The following ZNF605 variants were observed in gnomAD, a reference collection of about 807,000 sequenced individuals.
ZNF605 encodes the protein zinc finger protein 605.
In ZNF605, 9 loss-of-function variants were observed where a neutral mutation model predicts 7.9. That is an observed-to-expected ratio of 1.14 (90% confidence interval 0.68 to 1.98). ZNF605 has a LOEUF of 1.98. ZNF605 is among the 30% of genes most tolerant of loss of function. The probability of loss-of-function intolerance (pLI) is 0.00; values close to 1 mark genes in which losing one functional copy is unlikely to be tolerated. For missense variants in ZNF605, 673 were observed against 762.4 expected, an observed-to-expected ratio of 0.88 and a Z score of 1.38; for synonymous variants, 255 against 260.1, an observed-to-expected ratio of 0.98 and a Z score of 0.19.
chr12:132,934,015 G>T (rs1012691165), intron 3 of ZNF605, among the ~76,000 whole-genome samples: 1 of 152,182 alleles, frequency 6.6e-6, no homozygotes, highest in African/African-American at 2.4e-5. Context: ...CCAGCACTTT[G>T]GGAGGCTGAG....
At chr12:132,939,786 G>T (rs1311857632) in intron 3 of ZNF605, among the ~76,000 whole-genome samples, 1 of 152,154 alleles carries the variant, frequency 6.6e-6, no homozygotes, top group Non-Finnish European at 1.5e-5. Context: ...CTCACTCTTT[G>T]GGTCCACGCT....
At chr12:132,955,763 C>G (rs1472556659) in intron 1 of ZNF605, among the ~76,000 whole-genome samples, 1 of 152,164 alleles carries the variant, frequency 6.6e-6, no homozygotes, top group East Asian at 1.9e-4. Flanking sequence ...AATGCTCACC[C>G]AAAGGCATCC....
chr12:132,945,293 T>C, intron 3 of ZNF605: 2 of 869,596 alleles, frequency 2.3e-6, no homozygotes, highest in Non-Finnish European at 3.8e-6. Context: ...ATAATCTACT[T>C]TGTGCTTCTT....
At chr12:132,940,389 A>G (rs1376593323) in intron 3 of ZNF605, among the ~76,000 whole-genome samples, 1 of 152,198 alleles carries the variant, frequency 6.6e-6, no homozygotes, top group African/African-American at 2.4e-5. Flanking sequence ...TTCAGGCACA[A>G]ACATAAACAA....
chr12:132,952,258 G>C (rs1189079612), intron 1 of ZNF605, among the ~76,000 whole-genome samples: 1 of 151,786 alleles, frequency 6.6e-6, no homozygotes, highest in Non-Finnish European at 1.5e-5. Context: ...TCAGGAGTTC[G>C]AGACCAGCCT....
At chr12:132,946,008 A>G (rs1952491400) in intron 2 of ZNF605, among the ~76,000 whole-genome samples, 1 of 152,162 alleles carries the variant, frequency 6.6e-6, no homozygotes, top group Non-Finnish European at 1.5e-5. Context: ...CCAGGTCTGC[A>G]GTACGCACGG....
chr12:132,946,384 G>A (rs1163890533), intron 2 of ZNF605, among the ~76,000 whole-genome samples: 10 of 152,238 alleles, frequency 6.6e-5, no homozygotes, highest in African/African-American at 2.2e-4. Context: ...CGCAGGCTGG[G>A]GTGGAGCTGA....
intron 2 of ZNF605, among the ~76,000 whole-genome samples, 194 bp from the exon 3 acceptor site, chr12:132,945,991 A>G (rs1952491229): frequency 2.0e-5 from 3 of 152,136 alleles, no homozygotes; most frequent in Non-Finnish European, 4.4e-5. Flanking sequence ...TCTGACCTGC[A>G]TCTAGGCCAG....
chr12:132,950,039 G>T (rs1593603518), intron 1 of ZNF605, among the ~76,000 whole-genome samples: 1 of 151,906 alleles, frequency 6.6e-6, no homozygotes, highest in Non-Finnish European at 1.5e-5. Context: ...CTTCAGGCTT[G>T]TGGCACAGAG....
chr12:132,919,711 GAACT>G lies in ZNF605; in HGVS notation c.*5658_*5661del, dbSNP rs1318680076. The G allele has an allele frequency of 1.3e-5, 2 of 151,998 alleles. No homozygotes were observed. The highest frequency in any genetic ancestry group is 2.9e-5 in the Non-Finnish European group (2 of 67,996). The allele number at this position is 151,998 out of a possible 1,614,324, so 9.4% of individuals were successfully genotyped here. On this transcript the variant is annotated 3_prime_UTR_variant, in exon 5 of 5. Coordinates refer to ENST00000360187, the MANE Select transcript of ZNF605 (RefSeq NM_183238.4). ...GCCCTGGCCAGTAATTCTTAAATGA[GAACT>G]TCAAGTTATAAATGTCCCTTCACTT...
chr12:132,930,370 C>T (rs923876537), intron 4 of ZNF605, among the ~76,000 whole-genome samples: 5 of 152,156 alleles, frequency 3.3e-5, no homozygotes, highest in Admixed American at 2.6e-4. Context: ...CCAACAAATA[C>T]CCTCTTTATT....
chr12:132,938,689 G>A (rs1952394020), intron 3 of ZNF605, among the ~76,000 whole-genome samples: 2 of 152,196 alleles, frequency 1.3e-5, no homozygotes, highest in African/African-American at 4.8e-5. Flanking sequence ...CTGCACTGTG[G>A]GAGCCCCTTT....
At chr12:132,931,096 A>G (rs1952304354) in intron 4 of ZNF605, among the ~76,000 whole-genome samples, 1 of 152,182 alleles carries the variant, frequency 6.6e-6, no homozygotes, top group Admixed American at 6.5e-5. Context: ...GGAGGAGCTC[A>G]TGAGTCCAGA....
chr12:132,928,402 C>T (rs1264356557), intron 4 of ZNF605, among the ~76,000 whole-genome samples: 1 of 152,164 alleles, frequency 6.6e-6, no homozygotes, highest in Non-Finnish European at 1.5e-5. Context: ...CAAGAGTTCT[C>T]CAGAGCTCAG....
chr12:132,932,627 T>TA (rs1952319559), intron 4 of ZNF605: 2 of 850,480 alleles, frequency 2.4e-6, no homozygotes, highest in Admixed American at 2.9e-5. Flanking sequence ...CACAGTTTTA[T>TA]AAACAACACT....
Position 132,925,543 on chromosome 12 carries a change from C to A in ZNF605, c.1756G>T (p.Glu586Ter). 2 of 1,614,176 alleles carry A rather than the reference C, an allele frequency of 1.2e-6. No individual in the cohort carries two copies. The highest frequency in any genetic ancestry group is 1.7e-6 in the Non-Finnish European group (2 of 1,180,036). ...CATTCACCACATTTATATGGTCTCT[C>A]TCCTGTATGAATTCTCTGATGTATA... Reference protein sequence around the residue: ...LIIHQRIHTGERPYKCGECGK... With the variant: ...LIIHQRIHTG The change falls in exon 5 of 5, where the codon GAG (glutamate) becomes TAG (stop). Residue 586 changes from glutamate to a stop codon, truncating the protein, a stop_gained. Transcript: ENST00000360187. LOFTEE classifies it low-confidence loss of function (END_TRUNC).
rs1420735339 is a variant in ZNF605 at position 132,922,226 on chromosome 12, T to A, written c.*3147A>T. 6.6e-6 allele frequency: 1 copy of A among 152,228 alleles called. No individual in the cohort carries two copies. Among genetic ancestry groups the A allele is most frequent in the African/African-American group, 2.4e-5 (1 of 41,454 alleles). 9.4% of individuals were successfully genotyped at this position (152,228 alleles called of 1,614,324 possible). A position where few individuals can be genotyped will look rare whatever the true frequency, so the allele number is the denominator to read the frequency against. Reference sequence around the variant, plus strand: ...TCTTTCTTCACTCAGTAACTGATTATCTTGTTTCTTGTCCACAGATATTTA... The same window carrying A: ...TCTTTCTTCACTCAGTAACTGATTAACTTGTTTCTTGTCCACAGATATTTA... On this transcript the variant is annotated 3_prime_UTR_variant, in exon 5 of 5. Coordinates refer to ENST00000360187, the MANE Select transcript of ZNF605 (RefSeq NM_183238.4).
intron 4 of ZNF605, among the ~76,000 whole-genome samples, chr12:132,930,460 A>G (rs1952297257): frequency 6.6e-6 from 1 of 152,208 alleles, no homozygotes; most frequent in Non-Finnish European, 1.5e-5. Context: ...GTATGAGTGT[A>G]GGGAACAGGT....
intron 1 of ZNF605, among the ~76,000 whole-genome samples, chr12:132,949,957 GA>G (rs1952540127): frequency 1.3e-5 from 2 of 152,116 alleles, no homozygotes; most frequent in African/African-American, 4.8e-5. Context: ...AGATTCTCGA[GA>G]AAAAACATCC....
Sources: gnomAD v4.1 joint callset for allele counts (sites outside exome capture counted in the v4.1 genomes callset) on GRCh38, gnomAD v4.1.1 for gene constraint, MANE v1.5 for transcripts, NCBI Gene and HGNC (gene_info 2026-07-23, HGNC 2026-07-21) for gene names.